Variants in PPP1R12B observed in about 807,000 individuals in gnomAD.
The protein encoded by PPP1R12B is protein phosphatase 1 regulatory subunit 12B, also known as myosin phosphatase target subunit 2.
In PPP1R12B, 76 loss-of-function variants were observed where a neutral mutation model predicts 126.1. The ratio of observed to expected loss-of-function variants is 0.60; its 90% CI spans 0.50 to 0.73. PPP1R12B has a LOEUF of 0.73. PPP1R12B is among the 30% of genes least tolerant of loss of function. The pLI, the probability that PPP1R12B is intolerant of heterozygous loss-of-function variation, is 0.00. For synonymous variants in PPP1R12B, 356 were observed against 434.7 expected, an observed-to-expected ratio of 0.82 and a Z score of 2.25; for missense variants, 1,052 against 1,205.1, an observed-to-expected ratio of 0.87 and a Z score of 1.88.
intron 13 of PPP1R12B, among the ~76,000 whole-genome samples, chr1:202,474,156 G>T (rs1356210998): frequency 6.6e-6 from 1 of 152,054 alleles, no homozygotes; most frequent in African/African-American, 2.4e-5. Context: ...GCATTATATC[G>T]TACTACTTAA....
At chr1:202,461,944 A>G (rs1055324812) in intron 13 of PPP1R12B, among the ~76,000 whole-genome samples, 36 of 152,116 alleles carry the variant, frequency 2.4e-4, no homozygotes, top group Non-Finnish European at 7.4e-5. Context: ...TATCCCAGTG[A>G]TATTCTTTAT....
At chr1:202,548,716 T>G (rs1389253820) in intron 18 of PPP1R12B, among the ~76,000 whole-genome samples, 2 of 151,218 alleles carry the variant, frequency 1.3e-5, no homozygotes, top group African/African-American at 4.9e-5. Flanking sequence ...AGGATCACTT[T>G]GAGCCCAGGA....
chr1:202,422,731 G>A lies in PPP1R12B; in HGVS notation c.534G>A (p.Lys178=). ...AMKDLLLEQV[K]KQGVDLEQSR... The stretch of plus-strand genomic sequence containing the variant: ...AGGATCTTCTTCTGGAGCAAGTAAA[G>A]AAGCAAGGTAACCTCATGGATTGGA... The change falls in exon 3 of 24, where the codon AAG becomes AAA. Residue 178 remains lysine, a synonymous_variant. Transcript: ENST00000608999. 2.5e-6 allele frequency: 4 copies of A among 1,613,684 alleles called. No homozygotes were observed. The highest frequency in any genetic ancestry group is 3.4e-6 in the Non-Finnish European group (4 of 1,179,712).
chr1:202,511,154 T>C (rs1277473790), intron 18 of PPP1R12B, among the ~76,000 whole-genome samples: 1 of 150,530 alleles, frequency 6.6e-6, no homozygotes, highest in South Asian at 2.1e-4. Flanking sequence ...ATAAATTCTT[T>C]GATGGCGATT....
chr1:202,392,617 G>A (rs1173314869), intron 1 of PPP1R12B, among the ~76,000 whole-genome samples: 1 of 151,700 alleles, frequency 6.6e-6, no homozygotes, highest in Non-Finnish European at 1.5e-5. Flanking sequence ...TGCCTCCTGG[G>A]CTTAAGTGAT....
rs545612195 is a variant in PPP1R12B, at chr1:202,586,187, C to T, written c.*5627C>T. ...GACTACCAAAGCAGTGTTTACAAAC[C>T]CAGAGTCCACACAACCATATTGCAT... On this transcript the variant is annotated 3_prime_UTR_variant, in exon 24 of 24. Transcript: ENST00000608999. 1.3e-5 allele frequency: 2 copies of T among 152,354 alleles called. No individual in the cohort carries two copies. The highest frequency in any genetic ancestry group is 1.3e-4 in the Admixed American group (2 of 15,296). 9.4% of individuals were successfully genotyped at this position (152,354 alleles called of 1,614,324 possible).
At chr1:202,366,617 G>T (rs563968574) in intron 1 of PPP1R12B, among the ~76,000 whole-genome samples, 1 of 151,048 alleles carries the variant, frequency 6.6e-6, no homozygotes, top group African/African-American at 2.4e-5. Context: ...GAATAAAAAT[G>T]TATGAATATT....
intron 1 of PPP1R12B, among the ~76,000 whole-genome samples, chr1:202,358,198 G>A (rs577297421): frequency 1.3e-5 from 2 of 152,270 alleles, no homozygotes; most frequent in South Asian, 4.1e-4. Context: ...TGCTAATTGA[G>A]TGCTTGCCCA....
chr1:202,388,606 CTCTT>C (rs572663818), intron 1 of PPP1R12B, among the ~76,000 whole-genome samples: 61 of 152,238 alleles, frequency 4.0e-4, no homozygotes, highest in Non-Finnish European at 6.8e-4. Context: ...TGTATCATCT[CTCTT>C]TCTTAATATT....
At chr1:202,443,357 G>T (rs1441199484) in intron 12 of PPP1R12B, among the ~76,000 whole-genome samples, 1 of 152,146 alleles carries the variant, frequency 6.6e-6, no homozygotes, top group Non-Finnish European at 1.5e-5. Context: ...TTCATCATTA[G>T]GTTTTTTAGA....
intron 1 of PPP1R12B, among the ~76,000 whole-genome samples, chr1:202,413,992 G>A (rs1435350493): frequency 1.3e-5 from 2 of 152,064 alleles, no homozygotes; most frequent in Non-Finnish European, 2.9e-5. Context: ...TGCCATCCTG[G>A]CTCACTGCAA....
intron 18 of PPP1R12B, among the ~76,000 whole-genome samples, chr1:202,537,433 T>C (rs1254396259): frequency 1.3e-5 from 2 of 152,168 alleles, no homozygotes; most frequent in African/African-American, 4.8e-5. Flanking sequence ...ACCACCATTG[T>C]ATGTGTGGTT....
chr1:202,437,831 G>A lies in PPP1R12B; in HGVS notation c.1265G>A (p.Gly422Asp), dbSNP rs1279505956. ...SASSARRFSS[G>D]LFNKPEEPKD... ...TTGCTTCTCTCATAGTTCTCTTCTG[G>A]CCTTTTTAACAAGCCAGAAGAGCCC... Residue 422 changes from glycine to aspartate, a missense_variant, in exon 10 of 24, where the codon GGC (glycine) becomes GAC (aspartate). Physicochemically the swap from Gly to Asp is moderately conservative, Grantham distance 94. Coordinates refer to ENST00000608999, the MANE Select transcript of PPP1R12B (RefSeq NM_002481.4). 6.2e-7 allele frequency: 1 copy of A among 1,609,388 alleles called. No individual in the cohort carries two copies. Among genetic ancestry groups the A allele is most frequent in the Non-Finnish European group, 8.5e-7 (1 of 1,177,096 alleles).
intron 1 of PPP1R12B, among the ~76,000 whole-genome samples, chr1:202,372,179 A>G (rs960525251): frequency 2.5e-4 from 38 of 151,932 alleles, no homozygotes; most frequent in African/African-American, 8.7e-4. Flanking sequence ...CCCCTTCATT[A>G]TATTTTCCAA....
chr1:202,518,500 A>C (rs542651490), intron 18 of PPP1R12B, among the ~76,000 whole-genome samples: 2 of 152,348 alleles, frequency 1.3e-5, no homozygotes, highest in African/African-American at 4.8e-5. Flanking sequence ...TTACAAAGAT[A>C]GTATAGTAAC....
At chr1:202,439,525 T>TG (rs1235339976) in intron 10 of PPP1R12B, 5 of 1,531,250 alleles carry the variant, frequency 3.3e-6, no homozygotes, top group Non-Finnish European at 3.6e-6. Flanking sequence ...GCTGTTGCCT[T>TG]GGGGGGTGTG....
intron 18 of PPP1R12B, among the ~76,000 whole-genome samples, chr1:202,554,949 C>T (rs1312826890): frequency 6.6e-6 from 1 of 152,020 alleles, no homozygotes; most frequent in African/African-American, 2.4e-5. Context: ...TACCTTCCTC[C>T]ACATGCTCTC....
chr1:202,398,101 T>C (rs1392264015), intron 1 of PPP1R12B, among the ~76,000 whole-genome samples: 1 of 152,150 alleles, frequency 6.6e-6, no homozygotes, highest in Non-Finnish European at 1.5e-5. Flanking sequence ...TATGTTTGAT[T>C]TTTTTAGGAG....
intron 4 of PPP1R12B, 50 bp downstream of exon 4, chr1:202,425,775 A>T (rs759150435): frequency 6.5e-7 from 1 of 1,540,126 alleles, no homozygotes; most frequent in African/African-American, 1.4e-5. Flanking sequence ...AGAAGATGGA[A>T]TAGGTTTTGG....
Sources: gnomAD v4.1 joint callset for allele counts (sites outside exome capture counted in the v4.1 genomes callset) on GRCh38, gnomAD v4.1.1 for gene constraint, MANE v1.5 for transcripts, NCBI Gene and HGNC (gene_info 2026-07-23, HGNC 2026-07-21) for gene names.